The following DPH6 variants were observed in gnomAD, a reference collection of about 807,000 sequenced individuals.
DPH6 encodes the protein diphthamine biosynthesis 6, also known as diphthine--ammonia ligase.
DPH6 carries 33 observed loss-of-function variants against 38.2 expected under a neutral mutation model. The ratio of observed to expected loss-of-function variants is 0.86; its 90% CI spans 0.65 to 1.15. The LOEUF (loss-of-function observed/expected upper bound fraction) is 1.15. Among genes scored for constraint, DPH6 ranks in the 50% most tolerant of loss-of-function variants. The pLI is 0.00. For missense variants in DPH6, 325 were observed against 320.0 expected (o/e 1.02, Z -0.12); for synonymous variants, 108 against 103.0 (o/e 1.05, Z -0.30).
intron 3 of DPH6, among the ~76,000 whole-genome samples, chr15:35,300,390 A>G (rs1214407309): frequency 6.6e-6 from 1 of 152,240 alleles, no homozygotes; most frequent in African/African-American, 2.4e-5. Context: ...CAGGCAGAGC[A>G]GGTAACATGG....
chr15:35,241,200 T>C (rs2051595963), intron 3 of DPH6, among the ~76,000 whole-genome samples: 1 of 143,780 alleles, frequency 7.0e-6, no homozygotes, highest in Admixed American at 7.5e-5. Flanking sequence ...CCCAAGGCTC[T>C]CTGACTGACT....
intron 3 of DPH6, among the ~76,000 whole-genome samples, chr15:35,278,687 C>T (rs1444373536): frequency 2.0e-5 from 3 of 152,172 alleles, no homozygotes; most frequent in African/African-American, 4.8e-5. Context: ...CTGCATCCAG[C>T]AAAGCTATAG....
At chr15:35,285,360 C>T (rs935412548) in intron 3 of DPH6, among the ~76,000 whole-genome samples, 4 of 152,102 alleles carry the variant, frequency 2.6e-5, no homozygotes, top group African/African-American at 7.2e-5. Flanking sequence ...GTAATTGAAA[C>T]ATGGGGGCGG....
At chr15:35,298,063 C>T (rs1220870053) in intron 3 of DPH6, among the ~76,000 whole-genome samples, 3 of 151,882 alleles carry the variant, frequency 2.0e-5, no homozygotes, top group East Asian at 1.9e-4. Context: ...TTTTTGTAAA[C>T]GGATTTTTAT....
chr15:35,434,324 C>A (rs2053668996), intron 5 of DPH6, among the ~76,000 whole-genome samples: 1 of 151,944 alleles, frequency 6.6e-6, no homozygotes, highest in Non-Finnish European at 1.5e-5. Context: ...TTAAAGAACA[C>A]CTTTGAAAAG....
intron 3 of DPH6, among the ~76,000 whole-genome samples, chr15:35,233,100 C>T (rs894074988): frequency 1.3e-5 from 2 of 151,974 alleles, no homozygotes; most frequent in African/African-American, 4.8e-5. Flanking sequence ...TTGAGGTCAG[C>T]AGTTTGAGAC....
intron 3 of DPH6, among the ~76,000 whole-genome samples, chr15:35,295,706 C>A (rs1315293558): frequency 2.0e-5 from 3 of 152,178 alleles, no homozygotes; most frequent in Non-Finnish European, 4.4e-5. Flanking sequence ...TTTCAGGATG[C>A]AAAGTCTGAT....
chr15:35,443,135 G>C (rs978757960), intron 5 of DPH6, among the ~76,000 whole-genome samples: 1 of 152,010 alleles, frequency 6.6e-6, no homozygotes, highest in Non-Finnish European at 1.5e-5. Context: ...AAAATGAGAG[G>C]GGAAATTCAT....
In DPH6 at chr15:35,496,565, A is replaced by ATATATATATATATATATAT. The variant is rs1467883229; in HGVS notation, c.312+41708_312+41709insATATATATATATATATATA. 8.1e-3 allele frequency among the ~76,000 whole-genome samples: 162 copies of ATATATATATATATATATAT among 20,026 alleles called. 2 individuals are homozygous for ATATATATATATATATATAT. The highest frequency in any genetic ancestry group is 0.016 in the South Asian group (5 of 308). 13.1% of individuals were successfully genotyped at this position (20,026 alleles called of 152,430 possible). ...ACGAAAGTTCCATCTCAAAAAAAAA[A>ATATATATATATATATATAT]AAATATATATATATATATATATATA... On this transcript the variant is annotated intron_variant, in intron 3 of 8. Coordinates refer to ENST00000256538, the MANE Select transcript of DPH6 (RefSeq NM_080650.4).
chr15:35,433,531 T>C (rs1010124959), intron 5 of DPH6, among the ~76,000 whole-genome samples: 10 of 152,150 alleles, frequency 6.6e-5, no homozygotes, highest in African/African-American at 1.7e-4. Context: ...AGGTAAATAT[T>C]TTAGGTTTTG....
intron 4 of DPH6, 146 bp from the exon 5 acceptor site, chr15:35,450,949 T>C: frequency 1.6e-6 from 1 of 612,906 alleles, no homozygotes; most frequent in Non-Finnish European, 2.7e-6. Flanking sequence ...TTGCATAATG[T>C]TTATATATAC....
intron 3 of DPH6, among the ~76,000 whole-genome samples, chr15:35,275,467 C>T (rs2051851371): frequency 6.6e-6 from 1 of 152,102 alleles, no homozygotes; most frequent in South Asian, 2.1e-4. Flanking sequence ...AACCATACAC[C>T]ACGTTTTTTC....
chr15:35,415,678 T>C (rs2053427133), intron 5 of DPH6, among the ~76,000 whole-genome samples: 1 of 151,972 alleles, frequency 6.6e-6, no homozygotes. Context: ...CAGGTATACC[T>C]TGGTAAAAAT....
intron 3 of DPH6, among the ~76,000 whole-genome samples, chr15:35,226,621 C>T (rs2051483627): frequency 6.6e-6 from 1 of 152,154 alleles, no homozygotes; most frequent in African/African-American, 2.4e-5. Flanking sequence ...TAGGAATTAA[C>T]TGAAGAGGTG....
intron 6 of DPH6, among the ~76,000 whole-genome samples, chr15:35,386,555 T>A (rs1219982890): frequency 6.6e-6 from 1 of 152,212 alleles, no homozygotes; most frequent in Non-Finnish European, 1.5e-5. Flanking sequence ...TGTGAGATGG[T>A]ATCTCATTGT....
chr15:35,407,310 G>C (rs988937734), intron 6 of DPH6, among the ~76,000 whole-genome samples: 1 of 151,820 alleles, frequency 6.6e-6, no homozygotes, highest in Non-Finnish European at 1.5e-5. Flanking sequence ...AACAACTATA[G>C]CAAATTGTAA....
chr15:35,203,680 T>C, the DPH6 span, among the ~76,000 whole-genome samples: 2 of 151,560 alleles, frequency 1.3e-5, no homozygotes, highest in African/African-American at 4.8e-5. Context: ...TATGATGGAG[T>C]ATTTTAGCTA....
chr15:35,489,518 T>C, intron 3 of DPH6: 1 of 983,638 alleles, frequency 1.0e-6, no homozygotes, highest in African/African-American at 1.7e-5. Context: ...CCAGAACTTA[T>C]TTTCATAATC....
chr15:35,225,350 A>C (rs1349018883), intron 3 of DPH6, among the ~76,000 whole-genome samples: 2 of 152,344 alleles, frequency 1.3e-5, no homozygotes, highest in Non-Finnish European at 2.9e-5. Flanking sequence ...GTTTACTATA[A>C]AGATGTTATT....
Sources: allele counts gnomAD v4.1 joint callset (sites outside exome capture counted in the v4.1 genomes callset), GRCh38; gene constraint gnomAD v4.1.1; transcripts MANE v1.5; gene names NCBI Gene and HGNC (gene_info 2026-07-23, HGNC 2026-07-21).